The following SMARCAD1 variants were observed in gnomAD, a reference collection of about 807,000 sequenced individuals.
SMARCAD1 encodes SNF2 related chromatin remodeling ATPase with DExD box 1.
Under a neutral mutation model 127.1 loss-of-function variants are expected in SMARCAD1, and 25 were observed. The ratio of observed to expected loss-of-function variants is 0.20; its 90% CI spans 0.14 to 0.27. The LOEUF (loss-of-function observed/expected upper bound fraction) is 0.27, where lower values mean the gene tolerates loss of function less well. Among genes scored for constraint, SMARCAD1 ranks in the 10% least tolerant of loss-of-function variants. The pLI is 1.00. For missense variants in SMARCAD1, 807 were observed against 1,206.0 expected, an observed-to-expected ratio of 0.67 and a Z score of 4.90; for synonymous variants, 400 against 396.9, an observed-to-expected ratio of 1.01 and a Z score of -0.09.
chr4:94,239,142 C>T (rs930576511), intron 5 of SMARCAD1, among the ~76,000 whole-genome samples: 1 of 152,086 alleles, frequency 6.6e-6, no homozygotes, highest in Admixed American at 6.6e-5. Context: ...TCTTATCAGA[C>T]ATCTTCATTT....
chr4:94,284,858 C>T (rs1012450357), intron 22 of SMARCAD1, 102 bp from the exon 23 acceptor site: 14 of 750,076 alleles, frequency 1.9e-5, no homozygotes, highest in South Asian at 1.2e-4. Flanking sequence ...ATATGTTTGT[C>T]GTAATTTTCA....
chr4:94,276,104 AT>A (rs1239869527), intron 14 of SMARCAD1, among the ~76,000 whole-genome samples: 1 of 151,882 alleles, frequency 6.6e-6, no homozygotes, highest in Non-Finnish European at 1.5e-5. Flanking sequence ...GCCTTTTAAC[AT>A]TTTCTTTCAA....
In SMARCAD1 at chr4:94,273,667, G is replaced by A. The variant is rs768988965; in HGVS notation, c.1623G>A (p.Gln541=). 1.2e-6 allele frequency: 2 copies of A among 1,613,904 alleles called. No individual in the cohort carries two copies. Among genetic ancestry groups the A allele is most frequent in the Non-Finnish European group, 1.7e-6 (2 of 1,179,916 alleles). ...TTGCATTTCTGGCATACCTCTATCA[G>A]GAGGGTAATAATGGTCCTCATTTGA... ...QAIAFLAYLY[Q]EGNNGPHLIV... Residue 541 remains glutamine (Q), a synonymous_variant, in exon 12 of 24, where the codon CAG becomes CAA. Transcript: ENST00000354268.
chr4:94,280,499 T>C (rs1753869521), intron 19 of SMARCAD1, 93 bp from the exon 20 acceptor site: 3 of 1,099,474 alleles, frequency 2.7e-6, no homozygotes, highest in Non-Finnish European at 4.0e-6. Flanking sequence ...GATTTAGATA[T>C]TTTATCAGGT....
chr4:94,274,767 T>A lies in SMARCAD1; in HGVS notation c.1702T>A (p.Cys568Ser). The A allele has an allele frequency of 6.2e-7, 1 of 1,614,016 alleles. No individual in the cohort carries two copies. Among genetic ancestry groups the A allele is most frequent in the Non-Finnish European group, 8.5e-7 (1 of 1,179,868 alleles). ...DNWLREVNLW[C>S]PTLKVLCYYG... ...CTGGTTAAGGGAAGTTAATTTATGG[T>A]GCCCTACTTTGAAGGTCCTCTGTTA... Residue 568 changes from cysteine (C) to serine (S), a missense_variant, in exon 13 of 24, where the codon TGC (cysteine) becomes AGC (serine). Coordinates refer to ENST00000354268, the MANE Select transcript of SMARCAD1 (RefSeq NM_020159.5).
At chr4:94,251,845 A>C (rs941408144) in intron 8 of SMARCAD1, among the ~76,000 whole-genome samples, 16 of 151,632 alleles carry the variant, frequency 1.1e-4, no homozygotes, top group Non-Finnish European at 2.2e-4. Context: ...TATTTGAATA[A>C]TTTTTTTTAT....
Position 94,280,683 on chromosome 4 carries a change from A to G in SMARCAD1, c.2510A>G (p.Tyr837Cys). 6.2e-7 allele frequency: 1 copy of G among 1,613,800 alleles called. No individual in the cohort carries two copies. Among genetic ancestry groups the G allele is most frequent in the South Asian group, 1.1e-5 (1 of 91,052 alleles). Residue 837 changes from tyrosine to cysteine, a missense_variant, in exon 20 of 24, where the codon TAC becomes TGC. By Grantham distance (194) the Tyr-to-Cys change is radical. Transcript: ENST00000354268. ...GAACTACATGTACTTTGTAAACAGT[A>G]CCGACACATTAATAACTTTCAGTTA... is the stretch of plus-strand genomic sequence containing the variant. ...DFELHVLCKQ[Y>C]RHINNFQLDM...
chr4:94,288,364 C>T (rs1755249494), intron 23 of SMARCAD1, among the ~76,000 whole-genome samples: 1 of 152,036 alleles, frequency 6.6e-6, no homozygotes, highest in Admixed American at 6.6e-5. Flanking sequence ...AAAAGAATCT[C>T]CTTATTCTTT....
chr4:94,239,368 G>A (rs1052418416), intron 5 of SMARCAD1, among the ~76,000 whole-genome samples: 6 of 2,696 alleles, frequency 2.2e-3, no homozygotes, highest in Admixed American at 7.2e-3. Context: ...ACCACAAATT[G>A]CAGTCTTAAC....
chr4:94,278,177 G>A (rs1753563928), intron 16 of SMARCAD1, among the ~76,000 whole-genome samples: 1 of 152,168 alleles, frequency 6.6e-6, no homozygotes, highest in Admixed American at 6.5e-5. Context: ...ATCTGGTACA[G>A]TTCAAATTGA....
intron 3 of SMARCAD1, among the ~76,000 whole-genome samples, chr4:94,229,258 A>G (rs1242165697): frequency 6.6e-6 from 1 of 152,160 alleles, no homozygotes; most frequent in Non-Finnish European, 1.5e-5. Context: ...TGTCGGATTA[A>G]TTTATGATAA....
Position 94,271,975 on chromosome 4 carries a change from A to G in SMARCAD1, c.1572+1157A>G, listed in dbSNP as rs141863684. 6.6e-3 allele frequency among the ~76,000 whole-genome samples: 999 copies of G among 152,344 alleles called. 5 individuals are homozygous for G. Among genetic ancestry groups the G allele is most frequent in the Middle Eastern group, 0.054 (16 of 294 alleles). ...GCTAGCATTGCCATAACAAAATACC[A>G]CAGACCAAGTGGCTTAAACAACAGA... On this transcript the variant is annotated intron_variant, in intron 11 of 23. Transcript: ENST00000354268.
At chr4:94,222,638 G>A (rs1444966050) in intron 2 of SMARCAD1, among the ~76,000 whole-genome samples, 2 of 152,048 alleles carry the variant, frequency 1.3e-5, no homozygotes, top group African/African-American at 4.8e-5. Flanking sequence ...GTATTCTTCT[G>A]TTCTGTTAAC....
At chr4:94,281,394 C>G (rs1754003191) in intron 20 of SMARCAD1, 78 bp from the exon 21 acceptor site, 1 of 965,720 alleles carries the variant, frequency 1.0e-6, no homozygotes, top group Admixed American at 1.7e-5. Context: ...AGTAACACTT[C>G]TAACTGTTTA....
At chr4:94,224,936 A>C (rs1271384532) in intron 2 of SMARCAD1, among the ~76,000 whole-genome samples, 6 of 152,346 alleles carry the variant, frequency 3.9e-5, no homozygotes, top group Admixed American at 2.6e-4. Flanking sequence ...TGAACTAAAG[A>C]TTCAACTGGT....
chr4:94,268,174 C>T lies in SMARCAD1; in HGVS notation c.1482-2554C>T, dbSNP rs115492308. Among the ~76,000 whole-genome samples the T allele has an allele frequency of 9.5e-3, 1,452 of 152,210 alleles. 20 individuals carry two copies. Among genetic ancestry groups the T allele is most frequent in the African/African-American group, 0.033 (1,386 of 41,558 alleles). ...ATATTTCAATGTAATAAAACCATTT[C>T]ATGTCCTGATCAAAACACCTTACCA... On this transcript the variant is annotated intron_variant, in intron 10 of 23. Coordinates refer to ENST00000354268, the MANE Select transcript of SMARCAD1 (RefSeq NM_020159.5).
intron 4 of SMARCAD1, among the ~76,000 whole-genome samples, chr4:94,235,228 CCTTT>C (rs1348506239): frequency 9.5e-6 from 1 of 104,746 alleles, no homozygotes; most frequent in Non-Finnish European, 1.8e-5. Flanking sequence ...AACCACCAAT[CCTTT>C]TTTTTTTTTT....
rs1220185006 is a variant in SMARCAD1 at position 94,290,269 on chromosome 4, A to G, written c.*735A>G. 1 of 454,438 alleles carries G rather than the reference A, an allele frequency of 2.2e-6. No individual in the cohort carries two copies. The highest frequency in any genetic ancestry group is 2.3e-5 in the Admixed American group (1 of 42,554). 28.2% of individuals were successfully genotyped at this position (454,438 alleles called of 1,614,324 possible). On this transcript the variant is annotated 3_prime_UTR_variant, in exon 24 of 24. Coordinates refer to ENST00000354268, the MANE Select transcript of SMARCAD1 (RefSeq NM_020159.5). ...ACTAATTGTGCATATTACTCTGCCT[A>G]ATCTTGTGCATGTTTTCATTGATTT... is the stretch of plus-strand genomic sequence containing the variant.
intron 3 of SMARCAD1, among the ~76,000 whole-genome samples, chr4:94,231,917 A>AG (rs1285368310): frequency 6.6e-6 from 1 of 152,024 alleles, no homozygotes; most frequent in East Asian, 1.9e-4. Context: ...GCTGGAGTGC[A>AG]GTGGTGTGAT....
Sources: gnomAD v4.1 joint callset for allele counts (sites outside exome capture counted in the v4.1 genomes callset) on GRCh38, gnomAD v4.1.1 for gene constraint, MANE v1.5 for transcripts, NCBI Gene and HGNC (gene_info 2026-07-23, HGNC 2026-07-21) for gene names.